Variants in PACS1 observed in about 807,000 individuals in gnomAD.
PACS1 encodes the protein PACS-1.
In PACS1, 24 loss-of-function variants were observed where a neutral mutation model predicts 115.0. The ratio of observed to expected loss-of-function variants is 0.21; its 90% CI spans 0.15 to 0.29. PACS1 has a LOEUF of 0.29. Ranked by LOEUF, PACS1 falls within the 10% of genes least tolerant of loss-of-function variation. The pLI is 1.00. For missense variants in PACS1, 838 were observed against 1,251.2 expected (o/e 0.67, Z 4.98); for synonymous variants, 453 against 504.5 (o/e 0.90, Z 1.37).
rs779048489 is a variant in PACS1, at chr11:66,233,037, G to C, written c.1809G>C (p.Leu603=). ...TCSTVEVQAV[L]SALLTRIQRY... Reference sequence around the variant, plus strand: ...CCACCGTGGAGGTCCAGGCCGTGCTGTCCGCCCTGCTCACCCGGATCCAGC... The same window carrying C: ...CCACCGTGGAGGTCCAGGCCGTGCTCTCCGCCCTGCTCACCCGGATCCAGC... The change falls in exon 15 of 24, where the codon CTG becomes CTC. Residue 603 remains leucine (L), a synonymous_variant. Coordinates refer to ENST00000320580, the MANE Select transcript of PACS1 (RefSeq NM_018026.4). The surrounding 1 kb of genome is among the most constrained non-coding windows in gnomAD (Gnocchi z 4.5). 2 of 1,610,982 alleles carry C rather than the reference G, an allele frequency of 1.2e-6. No individual in the cohort carries two copies. The highest frequency in any genetic ancestry group is 8.5e-7 in the Non-Finnish European group (1 of 1,179,878).
At chr11:66,200,854 A>G (rs1333481735) in intron 2 of PACS1, among the ~76,000 whole-genome samples, 1 of 150,482 alleles carries the variant, frequency 6.6e-6, no homozygotes, top group Non-Finnish European at 1.5e-5. Context: ...TTTTTTTTTC[A>G]TTAGCATGTG....
At chr11:66,094,596 C>T (rs1158801403) in intron 1 of PACS1, among the ~76,000 whole-genome samples, 1 of 152,196 alleles carries the variant, frequency 6.6e-6, no homozygotes, top group East Asian at 1.9e-4. Context: ...GATGGATTCA[C>T]AGCTGAATTC....
intron 11 of PACS1, among the ~76,000 whole-genome samples, chr11:66,229,531 A>T (rs1316482036): frequency 6.6e-6 from 1 of 151,806 alleles, no homozygotes; most frequent in Non-Finnish European, 1.5e-5. Context: ...TACTAAAAAT[A>T]AGCCGGGCGT....
At chr11:66,231,962 T>C (rs1336935487) in intron 13 of PACS1, 1 of 513,238 alleles carries the variant, frequency 1.9e-6, no homozygotes, top group African/African-American at 1.9e-5. Flanking sequence ...CTCATCTCCA[T>C]GTGTCCTCTA....
intron 1 of PACS1, among the ~76,000 whole-genome samples, chr11:66,190,750 C>G (rs1439484496): frequency 2.0e-5 from 3 of 152,148 alleles, no homozygotes; most frequent in Admixed American, 1.3e-4. Flanking sequence ...TGTGGGACAG[C>G]ACATCTCTGC....
intron 2 of PACS1, among the ~76,000 whole-genome samples, chr11:66,196,478 A>G (rs924095723): frequency 1.3e-5 from 2 of 152,180 alleles, no homozygotes; most frequent in Admixed American, 1.3e-4. Flanking sequence ...TTTTTACTTC[A>G]AAGAGGGACT....
chr11:66,197,384 A>G (rs1489211017), intron 2 of PACS1, among the ~76,000 whole-genome samples: 2 of 152,224 alleles, frequency 1.3e-5, no homozygotes, highest in Non-Finnish European at 2.9e-5. Context: ...ATATAAGAGC[A>G]CAAAAGTCTT....
chr11:66,227,576 G>C lies in PACS1; in HGVS notation c.1366G>C (p.Asp456His), dbSNP rs1466759465. The C allele has an allele frequency of 6.2e-7, 1 of 1,606,848 alleles. No homozygotes were observed. The highest frequency in any genetic ancestry group is 2.2e-5 in the East Asian group (1 of 44,834). Residue 456 changes from aspartate to histidine, a missense_variant, in exon 11 of 24, where the codon GAC (aspartate) becomes CAC (histidine). By Grantham distance (81) the Asp-to-His change is moderately conservative (BLOSUM62 -1). This residue lies in a region of PACS1 where 383 missense variants were observed against 537.0 expected (regional missense o/e 0.71). Transcript: ENST00000320580. ...CCAAGATGACAGCTTGACTGAAACAGACACTCTGGTATGTATGGGTCAGTT... is the reference window on the plus strand; with the variant it reads ...CCAAGATGACAGCTTGACTGAAACACACACTCTGGTATGTATGGGTCAGTT... ...KNQDDSLTET[D>H]TLEITDQDMF...
At chr11:66,232,126 T>TC in intron 13 of PACS1, 46 bp from the exon 14 acceptor site, 1 of 1,267,898 alleles carries the variant, frequency 7.9e-7, no homozygotes, top group Non-Finnish European at 1.2e-6. Context: ...GTCCTCAGGC[T>TC]CCCCAGGGAC....
At position 66,215,785 on chromosome 11, in the gene PACS1, A is replaced by G. The variant is rs974148501; in HGVS notation, c.661-334A>G. Among the ~76,000 whole-genome samples, 4 of 151,942 alleles carry G rather than the reference A, an allele frequency of 2.6e-5. No homozygotes were observed. In the East Asian group the frequency reaches 7.7e-4, roughly 29 times the overall value. On this transcript the variant is annotated intron_variant, in intron 4 of 23. Coordinates refer to ENST00000320580, the MANE Select transcript of PACS1 (RefSeq NM_018026.4). ...CGTGGTGGCAGACGCCTGTAATCCC[A>G]GCTACTTGGGAGCCTGAGGCAGGAG...
At chr11:66,074,079 T>A (rs1016171845) in intron 1 of PACS1, among the ~76,000 whole-genome samples, 32 of 152,004 alleles carry the variant, frequency 2.1e-4, no homozygotes, top group Middle Eastern at 3.2e-3. Flanking sequence ...GCATTTTTTT[T>A]AAAGACAAAA....
chr11:66,154,926 T>C (rs940490074), intron 1 of PACS1, among the ~76,000 whole-genome samples: 1 of 152,174 alleles, frequency 6.6e-6, no homozygotes, highest in Non-Finnish European at 1.5e-5. Context: ...GCTGTGATAC[T>C]GGCAAAATAA....
In PACS1 at chr11:66,170,308, T is replaced by C. The variant is rs1253145625; in HGVS notation, c.357-23178T>C. On this transcript the variant is annotated intron_variant, in intron 1 of 23. Coordinates refer to ENST00000320580, the MANE Select transcript of PACS1 (RefSeq NM_018026.4). ...TGGCTGTCCCTTTATTTTTTACTTC[T>C]TAATGGCTGCTTAATTCATTAATTT... Among the ~76,000 whole-genome samples the C allele has an allele frequency of 2.0e-5, 3 of 150,608 alleles. 1 individual carries two copies. The highest frequency in any genetic ancestry group is 7.5e-5 in the African/African-American group (3 of 39,968).
intron 20 of PACS1, 134 bp from the exon 21 acceptor site, chr11:66,239,000 TGGTGGCTG>T: frequency 1.4e-6 from 2 of 1,393,970 alleles, no homozygotes; most frequent in Non-Finnish European, 2.0e-6. Context: ...CCTGCTGCGG[TGGTGGCTG>T]GGGGAGGTGG....
chr11:66,127,765 C>T (rs183780304), intron 1 of PACS1, among the ~76,000 whole-genome samples: 5 of 152,272 alleles, frequency 3.3e-5, no homozygotes, highest in African/African-American at 9.6e-5. Context: ...CGTCCTAATA[C>T]TCTACAATAA....
chr11:66,094,674 G>C (rs890646591), intron 1 of PACS1, among the ~76,000 whole-genome samples: 1 of 152,156 alleles, frequency 6.6e-6, no homozygotes, highest in African/African-American at 2.4e-5. Flanking sequence ...GAAAAGGAGG[G>C]AATCCTCCCT....
At position 66,243,346 on chromosome 11, in the gene PACS1, G is replaced by A. The variant is rs1855854598; in HGVS notation, c.*66G>A. ...CAGCCTCACCGCCTGCGGGCAGGGG[G>A]AGGCCAGCAGGCCCGGGCCCAGCAC... On this transcript the variant is annotated 3_prime_UTR_variant, in exon 24 of 24. Coordinates refer to ENST00000320580, the MANE Select transcript of PACS1 (RefSeq NM_018026.4). 1 of 1,125,500 alleles carries A rather than the reference G, an allele frequency of 8.9e-7. No individual in the cohort carries two copies. Among genetic ancestry groups the A allele is most frequent in the Non-Finnish European group, 1.3e-6 (1 of 772,750 alleles). The allele number at this position is 1,125,500 out of a possible 1,614,324, so 69.7% of individuals were successfully genotyped here.
In PACS1 at chr11:66,078,578, C is replaced by T. The variant is rs141903585; in HGVS notation, c.356+7736C>T. ...TTTGTTTTTGATTTTGAGATAGGCT[C>T]TCACTCTGTTGCCCAAACTGGAATG... On this transcript the variant is annotated intron_variant, in intron 1 of 23. Transcript: ENST00000320580. Among the ~76,000 whole-genome samples, 386 of 152,336 alleles carry T rather than the reference C, an allele frequency of 2.5e-3. 1 individual carries two copies. Among genetic ancestry groups the T allele is most frequent in the Non-Finnish European group, 3.9e-3 (267 of 68,022 alleles).
chr11:66,141,126 A>G (rs1239406487), intron 1 of PACS1, among the ~76,000 whole-genome samples: 1 of 152,186 alleles, frequency 6.6e-6, no homozygotes. Flanking sequence ...TTATTCAGCA[A>G]TGTTCTATTT....
Sources: allele counts gnomAD v4.1 joint callset (sites outside exome capture counted in the v4.1 genomes callset), GRCh38; gene constraint gnomAD v4.1.1; regional missense constraint gnomAD v4.1.1; non-coding constraint Gnocchi (gnomAD v3.1); transcripts MANE v1.5; gene names NCBI Gene and HGNC (gene_info 2026-07-23, HGNC 2026-07-21).